GSK3B: variants seen among roughly 807,000 people sequenced by gnomAD.
The protein encoded by GSK3B is glycogen synthase kinase-3 beta.
Under a neutral mutation model 56.4 loss-of-function variants are expected in GSK3B, and 15 were observed. The ratio of observed to expected loss-of-function variants is 0.27; its 90% CI spans 0.18 to 0.41. The LOEUF is 0.41. Ranked by LOEUF, GSK3B falls within the 10% of genes least tolerant of loss-of-function variation. The pLI, the probability that GSK3B is intolerant of heterozygous loss-of-function variation, is 1.00. For synonymous variants in GSK3B, 181 were observed against 188.9 expected (o/e 0.96, Z 0.34); for missense variants, 300 against 513.4 (o/e 0.58, Z 4.02).
In GSK3B at chr3:120,093,617, A is replaced by C. The variant is rs144673916; in HGVS notation, c.-183T>G. 1 of 529,452 alleles carries C rather than the reference A, an allele frequency of 1.9e-6. No homozygotes were observed. The highest frequency in any genetic ancestry group is 2.8e-5 in the South Asian group (1 of 35,846). 32.8% of individuals were successfully genotyped at this position (529,452 alleles called of 1,614,324 possible). Reference sequence around the variant, plus strand: ...TACTATAAAAAACAAAACAAGCGATATATTTCTCCTTCAAGACAGATCGGC... The same window carrying C: ...TACTATAAAAAACAAAACAAGCGATCTATTTCTCCTTCAAGACAGATCGGC... On this transcript the variant is annotated 5_prime_UTR_variant, in exon 1 of 11. Coordinates refer to ENST00000264235, the MANE Select transcript of GSK3B (RefSeq NM_001146156.2).
intron 4 of GSK3B, among the ~76,000 whole-genome samples, chr3:119,918,612 A>C (rs1432862413): frequency 2.0e-5 from 3 of 152,200 alleles, no homozygotes; most frequent in Admixed American, 2.0e-4. Context: ...TAAGTGCCAA[A>C]CCAAGAAAAG....
chr3:120,091,319 C>A (rs1381770324), intron 1 of GSK3B, among the ~76,000 whole-genome samples: 15 of 152,096 alleles, frequency 9.9e-5, no homozygotes, highest in Non-Finnish European at 5.9e-5. Flanking sequence ...CTTTTAAAGT[C>A]AAAGCTGTCA....
intron 1 of GSK3B, among the ~76,000 whole-genome samples, chr3:120,042,757 TATC>T (rs1247050206): frequency 6.6e-6 from 1 of 152,034 alleles, no homozygotes; most frequent in African/African-American, 2.4e-5. Context: ...TAAATGAAAA[TATC>T]ATACTCCTTG....
intron 2 of GSK3B, among the ~76,000 whole-genome samples, chr3:119,989,802 T>C (rs566577917): frequency 6.0e-4 from 92 of 152,214 alleles, no homozygotes; most frequent in African/African-American, 2.1e-3. Flanking sequence ...CCAATTAACC[T>C]TTTTCAAAGA....
intron 2 of GSK3B, among the ~76,000 whole-genome samples, chr3:119,998,870 T>C (rs1260190980): frequency 6.6e-6 from 1 of 152,168 alleles, no homozygotes; most frequent in Non-Finnish European, 1.5e-5. Context: ...AAAATACTCC[T>C]AATATCTAAA....
intron 1 of GSK3B, among the ~76,000 whole-genome samples, chr3:120,068,174 C>T (rs887057201): frequency 3.3e-5 from 5 of 151,604 alleles, no homozygotes; most frequent in African/African-American, 9.7e-5. Flanking sequence ...GGGTGGATCA[C>T]AAGGTCAGGT....
Position 120,094,384 on chromosome 3 carries a change from G to GGGC in GSK3B, c.-953_-951dup, listed in dbSNP as rs556855605. On this transcript the variant is annotated 5_prime_UTR_variant, in exon 1 of 11. Transcript: ENST00000264235. Reference sequence around the variant, plus strand: ...CCTTCCTTCCTTTGTCACTTGGCCCGGGCGGCGGCGGCGGCGGCGGCGGCA... The same window carrying GGGC: ...CCTTCCTTCCTTTGTCACTTGGCCCGGGCGGCGGCGGCGGCGGCGGCGGCGGCA... The GGGC allele has an allele frequency of 4.4e-3, 1,355 of 311,084 alleles. 15 individuals are homozygous for GGGC. The highest frequency in any genetic ancestry group is 8.9e-3 in the East Asian group (157 of 17,692). The allele number at this position is 311,084 out of a possible 1,614,324, so 19.3% of individuals were successfully genotyped here. A position where few individuals can be genotyped will look rare whatever the true frequency, so the allele number is the denominator to read the frequency against.
chr3:119,875,034 C>G (rs948124126), intron 8 of GSK3B, among the ~76,000 whole-genome samples: 2 of 151,986 alleles, frequency 1.3e-5, no homozygotes, highest in African/African-American at 4.8e-5. Flanking sequence ...GCCTTGAATA[C>G]AAAGATCAAA....
intron 10 of GSK3B, among the ~76,000 whole-genome samples, chr3:119,835,552 A>G (rs2108003594): frequency 6.6e-6 from 1 of 152,298 alleles, no homozygotes; most frequent in South Asian, 2.1e-4. Flanking sequence ...CTGCCCATTC[A>G]TATATAGACT....
chr3:119,920,872 G>C (rs1440182884), intron 4 of GSK3B, among the ~76,000 whole-genome samples: 2 of 152,182 alleles, frequency 1.3e-5, no homozygotes, highest in African/African-American at 4.8e-5. Flanking sequence ...CATTACATCT[G>C]AGAAAATTAC....
intron 1 of GSK3B, among the ~76,000 whole-genome samples, chr3:120,043,854 C>T (rs575909641): frequency 2.0e-5 from 3 of 152,310 alleles, no homozygotes; most frequent in African/African-American, 7.2e-5. Context: ...TAACCTCCCT[C>T]CTCCTTCTCC....
At chr3:119,894,282 T>A (rs1175755415) in intron 7 of GSK3B, among the ~76,000 whole-genome samples, 1 of 152,150 alleles carries the variant, frequency 6.6e-6, no homozygotes, top group Non-Finnish European at 1.5e-5. Context: ...GATATATACC[T>A]ACAAGCTGAA....
chr3:119,936,519 G>T (rs2107480315), intron 3 of GSK3B, among the ~76,000 whole-genome samples: 1 of 151,146 alleles, frequency 6.6e-6, no homozygotes, highest in East Asian at 1.9e-4. Flanking sequence ...GCTAATTTTT[G>T]TATTTTTTAG....
At chr3:119,980,486 G>A (rs150063706) in intron 2 of GSK3B, among the ~76,000 whole-genome samples, 59 of 152,162 alleles carry the variant, frequency 3.9e-4, no homozygotes, top group African/African-American at 1.0e-3. Context: ...CCAAGTAGCT[G>A]GGATTACAGG....
At chr3:120,015,640 ACT>A (rs368437729) in intron 1 of GSK3B, among the ~76,000 whole-genome samples, 76 of 110,164 alleles carry the variant, frequency 6.9e-4, no homozygotes, top group African/African-American at 2.7e-3. Context: ...ACAGGGTGAG[ACT>A]CTGTCTCAAA....
At position 120,023,341 on chromosome 3, in the gene GSK3B, T is replaced by G. The variant is rs1341065988; in HGVS notation, c.89-21102A>C. ...GGTTATGTCCAACACTGCCCCTAAA[T>G]TCCATGTACTTTCATGCATCCTAGA... On this transcript the variant is annotated intron_variant, in intron 1 of 10. Transcript: ENST00000264235. 5.3e-5 allele frequency among the ~76,000 whole-genome samples: 8 copies of G among 151,014 alleles called. No individual in the cohort carries two copies. In the Admixed American group the frequency reaches 5.3e-4, roughly 10 times the overall value.
chr3:120,053,893 G>A (rs1452655667), intron 1 of GSK3B, among the ~76,000 whole-genome samples: 1 of 152,152 alleles, frequency 6.6e-6, no homozygotes, highest in Non-Finnish European at 1.5e-5. Flanking sequence ...TTCCAGTCAC[G>A]TGGAACTGTG....
rs2056802225 is a variant in GSK3B, at chr3:119,918,325, TA to T, written c.478-2152del. Among the ~76,000 whole-genome samples the T allele has an allele frequency of 2.0e-5, 3 of 151,526 alleles. No homozygotes were observed. In the South Asian group the frequency reaches 6.3e-4, roughly 32 times the overall value. On this transcript the variant is annotated intron_variant, in intron 4 of 10. Coordinates refer to ENST00000264235, the MANE Select transcript of GSK3B (RefSeq NM_001146156.2). ...CCGTCTCTACTAAAATGCAAAAAAT[TA>T]GCCGGTCTTGGTGGTGCACGCCTGT...
At chr3:120,062,779 G>C (rs1191220524) in intron 1 of GSK3B, among the ~76,000 whole-genome samples, 1 of 152,048 alleles carries the variant, frequency 6.6e-6, no homozygotes, top group East Asian at 1.9e-4. Context: ...AACTGTATCT[G>C]GATTTACTTT....
Sources: gnomAD v4.1 joint callset for allele counts (sites outside exome capture counted in the v4.1 genomes callset) on GRCh38, gnomAD v4.1.1 for gene constraint, MANE v1.5 for transcripts, NCBI Gene and HGNC (gene_info 2026-07-23, HGNC 2026-07-21) for gene names.